CACNB2: variants seen among roughly 807,000 people sequenced by gnomAD.
The protein encoded by CACNB2 is voltage-dependent L-type calcium channel subunit beta-2.
A neutral mutation model predicts 73.3 loss-of-function variants in CACNB2; 42 were observed. The observed-to-expected ratio is 0.57, with a 90% CI of 0.45 to 0.74. The LOEUF is 0.74. CACNB2 is among the 30% of genes least tolerant of loss of function. CACNB2 has a pLI of 0.00. For missense variants in CACNB2, 940 were observed against 853.0 expected (o/e 1.10, Z -1.27); for synonymous variants, 348 against 310.3 (o/e 1.12, Z -1.28).
chr10:18,153,734 A>C (rs1252628724), intron 2 of CACNB2, among the ~76,000 whole-genome samples: 1 of 150,086 alleles, frequency 6.7e-6, no homozygotes, highest in Non-Finnish European at 1.5e-5. Flanking sequence ...GGCACAAGCT[A>C]CTATGCCCAG....
At chr10:18,370,232 G>C (rs2042521523) in intron 2 of CACNB2, among the ~76,000 whole-genome samples, 1 of 152,222 alleles carries the variant, frequency 6.6e-6, no homozygotes, top group Non-Finnish European at 1.5e-5. Context: ...TGTGCTCCCT[G>C]CACCAGGAGT....
intron 9 of CACNB2, 40 bp downstream of exon 9, chr10:18,519,008 T>TA (rs774135711): frequency 5.1e-6 from 8 of 1,576,428 alleles, no homozygotes; most frequent in Non-Finnish European, 7.0e-6. Context: ...GATTTTGTCT[T>TA]AAAGATGGCA....
At chr10:18,195,579 GCT>G (rs1263827562) in intron 2 of CACNB2, among the ~76,000 whole-genome samples, 1 of 152,212 alleles carries the variant, frequency 6.6e-6, no homozygotes, top group Non-Finnish European at 1.5e-5. Context: ...TGAGCTCCTG[GCT>G]CTCGGCCAGA....
intron 12 of CACNB2, among the ~76,000 whole-genome samples, chr10:18,536,436 TC>T (rs1008629604): frequency 2.6e-5 from 4 of 151,338 alleles, no homozygotes; most frequent in Admixed American, 6.6e-5. Flanking sequence ...CTTTTTTTTT[TC>T]CCCCTGTAGA....
intron 3 of CACNB2, among the ~76,000 whole-genome samples, chr10:18,473,050 A>C (rs2048271452): frequency 6.6e-6 from 1 of 152,160 alleles, no homozygotes; most frequent in South Asian, 2.1e-4. Flanking sequence ...GTGCAGCCAA[A>C]TTTGCATTGT....
chr10:18,267,093 C>T lies in CACNB2; in HGVS notation c.213+116118C>T, dbSNP rs146121204. 8.9e-3 allele frequency among the ~76,000 whole-genome samples: 1,348 copies of T among 152,018 alleles called. 21 individuals carry two copies. Among genetic ancestry groups the T allele is most frequent in the African/African-American group, 0.031 (1,269 of 41,426 alleles). On this transcript the variant is annotated intron_variant, in intron 2 of 13. Transcript: ENST00000324631. ...TTTTCCAGATAATGTCTTAAGATGT[C>T]CTTTAAGGGTGATATTTGGCTTTTA... is the stretch of plus-strand genomic sequence containing the variant.
At chr10:18,277,241 C>T (rs905889049) in intron 2 of CACNB2, among the ~76,000 whole-genome samples, 5 of 152,026 alleles carry the variant, frequency 3.3e-5, no homozygotes, top group Non-Finnish European at 5.9e-5. Context: ...CAGGTGGCAC[C>T]GGGTGCAGAC....
chr10:18,446,123 T>C (rs949339407), intron 3 of CACNB2, among the ~76,000 whole-genome samples: 3 of 152,008 alleles, frequency 2.0e-5, no homozygotes, highest in Non-Finnish European at 4.4e-5. Flanking sequence ...CTTTCCATGA[T>C]GAAATAAAGA....
At chr10:18,487,917 G>A (rs2049154854) in intron 3 of CACNB2, among the ~76,000 whole-genome samples, 1 of 151,634 alleles carries the variant, frequency 6.6e-6, no homozygotes, top group Admixed American at 6.6e-5. Flanking sequence ...CCCTGCACAG[G>A]AAACACTGAA....
intron 10 of CACNB2, among the ~76,000 whole-genome samples, chr10:18,531,239 T>TAAAAAACAAAAAACAG (rs1215127305): frequency 1.3e-5 from 2 of 152,226 alleles, no homozygotes; most frequent in Admixed American, 1.3e-4. Flanking sequence ...TCCTTCTAAA[T>TAAAAAACAAAAAACAG]AAGTTAACTT....
chr10:18,240,600 G>A (rs897495068), intron 2 of CACNB2, among the ~76,000 whole-genome samples: 3 of 152,074 alleles, frequency 2.0e-5, no homozygotes. Context: ...TGAAACTTGC[G>A]ATCTTGTCTC....
chr10:18,532,693 AAAAC>A (rs1369809709), intron 10 of CACNB2, among the ~76,000 whole-genome samples: 22 of 81,746 alleles, frequency 2.7e-4, no homozygotes, highest in African/African-American at 1.1e-3. Flanking sequence ...AAAAAAAAAA[AAAAC>A]AAAACAAAAA....
At chr10:18,361,334 TA>T (rs113930288) in intron 2 of CACNB2, among the ~76,000 whole-genome samples, 7,527 of 136,302 alleles carry the variant, frequency 0.055, 222 homozygotes, top group African/African-American at 0.083. Context: ...TACAAAAAAT[TA>T]AAAAAAAAAA....
intron 2 of CACNB2, among the ~76,000 whole-genome samples, chr10:18,212,837 A>G (rs1226499827): frequency 6.6e-6 from 1 of 152,246 alleles, no homozygotes; most frequent in Non-Finnish European, 1.5e-5. Context: ...CCATAAAACA[A>G]TTACAAATCA....
intron 2 of CACNB2, among the ~76,000 whole-genome samples, chr10:18,371,647 G>C (rs1460911934): frequency 6.6e-6 from 1 of 152,142 alleles, no homozygotes; most frequent in Non-Finnish European, 1.5e-5. Context: ...ATTGTGAATA[G>C]TGCCACAATA....
At chr10:18,159,284 T>C (rs551428850) in intron 2 of CACNB2, among the ~76,000 whole-genome samples, 49 of 152,296 alleles carry the variant, frequency 3.2e-4, no homozygotes, top group African/African-American at 1.1e-3. Flanking sequence ...TCGCGAACTG[T>C]TTACACTGAT....
intron 3 of CACNB2, among the ~76,000 whole-genome samples, chr10:18,427,358 G>A (rs540866074): frequency 1.8e-4 from 28 of 151,752 alleles, no homozygotes; most frequent in Middle Eastern, 6.8e-3. Context: ...TTAACATGTC[G>A]CTGGATTTGA....
chr10:18,261,119 A>G, intron 2 of CACNB2: 1 of 1,492,112 alleles, frequency 6.7e-7, no homozygotes, highest in Admixed American at 2.1e-5. Context: ...GCTTTTTTAG[A>G]AACTACCTAG....
intron 2 of CACNB2, among the ~76,000 whole-genome samples, chr10:18,350,467 C>T (rs1054842591): frequency 6.6e-6 from 1 of 152,152 alleles, no homozygotes; most frequent in Non-Finnish European, 1.5e-5. Flanking sequence ...CCTGTGCCTC[C>T]TTGTTGTTTT....
Sources: allele counts gnomAD v4.1 joint callset (sites outside exome capture counted in the v4.1 genomes callset), GRCh38; gene constraint gnomAD v4.1.1; transcripts MANE v1.5; gene names NCBI Gene and HGNC (gene_info 2026-07-23, HGNC 2026-07-21).